The following PARD3B variants were observed in gnomAD, a reference collection of about 807,000 sequenced individuals.
The protein encoded by PARD3B is partitioning defective 3 homolog B.
In PARD3B, 103 loss-of-function variants were observed where a neutral mutation model predicts 130.2. The ratio of observed to expected loss-of-function variants is 0.79; its 90% CI spans 0.67 to 0.93. PARD3B has a LOEUF of 0.93. Among genes scored for constraint, PARD3B ranks in the 40% least tolerant of loss-of-function variants. The probability of loss-of-function intolerance (pLI) is 0.00; values close to 1 mark genes in which losing one functional copy is unlikely to be tolerated. For missense variants in PARD3B, 1,609 were observed against 1,499.2 expected, an observed-to-expected ratio of 1.07 and a Z score of -1.21; for synonymous variants, 583 against 553.2, an observed-to-expected ratio of 1.05 and a Z score of -0.76.
intron 1 of PARD3B, among the ~76,000 whole-genome samples, chr2:204,565,921 A>ATGTCAAAAACATGTGAAATCAAAGGT (rs2031646094): frequency 2.0e-5 from 3 of 152,216 alleles, no homozygotes; most frequent in Non-Finnish European, 2.9e-5. Context: ...CTTACACACA[A>ATGTCAAAAACATGTGAAATCAAAGGT]TGTCAAAAAC....
intron 2 of PARD3B, among the ~76,000 whole-genome samples, chr2:204,836,354 A>G (rs1260496127): frequency 6.6e-6 from 1 of 152,212 alleles, no homozygotes; most frequent in Admixed American, 6.5e-5. Context: ...AAATGATTAT[A>G]TGGATTTCTA....
At chr2:205,605,088 T>C (rs985313119) in intron 22 of PARD3B, among the ~76,000 whole-genome samples, 22 of 152,236 alleles carry the variant, frequency 1.4e-4, no homozygotes, top group African/African-American at 5.3e-4. Flanking sequence ...AAACTGGTTA[T>C]TCTGGTTAAC....
chr2:205,536,093 G>A (rs151116709), intron 21 of PARD3B, among the ~76,000 whole-genome samples: 93 of 152,218 alleles, frequency 6.1e-4, no homozygotes, highest in Middle Eastern at 3.4e-3. Context: ...TTGCAGTTTG[G>A]TTTTCCTGAG....
At chr2:205,144,753 C>G (rs990898999) in intron 10 of PARD3B, among the ~76,000 whole-genome samples, 3 of 152,098 alleles carry the variant, frequency 2.0e-5, no homozygotes, top group East Asian at 1.9e-4. Flanking sequence ...TTCTCAATCT[C>G]TACTTGGAAT....
chr2:205,178,143 T>TAAA lies in PARD3B; in HGVS notation c.1924+1599_1924+1601dup, dbSNP rs58267787. ...CAACATGGCAAAATCCCATCTGTAC[T>TAAA]AAAAAAAAAAAAAAAAAAAAAAAAA... On this transcript the variant is annotated intron_variant, in intron 13 of 22. Coordinates refer to ENST00000406610, the MANE Select transcript of PARD3B (RefSeq NM_001302769.2). Among the ~76,000 whole-genome samples the TAAA allele has an allele frequency of 9.9e-3, 206 of 20,784 alleles. 38 individuals are homozygous for TAAA. The highest frequency in any genetic ancestry group is 0.023 in the African/African-American group (113 of 4,968). 13.6% of individuals were successfully genotyped at this position (20,784 alleles called of 152,430 possible).
chr2:205,464,215 G>A (rs1026841659), intron 20 of PARD3B, among the ~76,000 whole-genome samples: 27 of 152,086 alleles, frequency 1.8e-4, no homozygotes, highest in African/African-American at 5.8e-4. Context: ...ACTGTGCATT[G>A]TGCATAGGAG....
At chr2:204,764,716 G>A (rs73982503) in intron 2 of PARD3B, among the ~76,000 whole-genome samples, 1 of 5,332 alleles carries the variant, frequency 1.9e-4, no homozygotes, top group Non-Finnish European at 9.5e-4. Flanking sequence ...GCATGCATGC[G>A]TGTGTGTGTG....
intron 1 of PARD3B, among the ~76,000 whole-genome samples, chr2:204,684,909 G>A (rs1225722194): frequency 6.6e-6 from 1 of 152,058 alleles, no homozygotes; most frequent in Non-Finnish European, 1.5e-5. Context: ...GCCTAACTAA[G>A]GAGAATTCCT....
At chr2:204,891,274 G>A (rs564783456) in intron 2 of PARD3B, among the ~76,000 whole-genome samples, 5 of 150,480 alleles carry the variant, frequency 3.3e-5, no homozygotes, top group East Asian at 2.0e-4. Context: ...TTAGCATTAC[G>A]ATACTGTGAC....
At chr2:205,480,192 A>G (rs922163085) in intron 20 of PARD3B, among the ~76,000 whole-genome samples, 16 of 152,178 alleles carry the variant, frequency 1.1e-4, no homozygotes, top group Non-Finnish European at 2.1e-4. Flanking sequence ...GGCATGAGCC[A>G]CTGTGCCCGG....
chr2:205,559,354 C>G (rs1051620829), intron 22 of PARD3B, among the ~76,000 whole-genome samples: 1 of 151,952 alleles, frequency 6.6e-6, no homozygotes, highest in African/African-American at 2.4e-5. Context: ...CCAAGTTGCC[C>G]AGGCTGGTCT....
Position 205,101,537 on chromosome 2 carries a change from G to A in PARD3B, c.505-2889G>A, listed in dbSNP as rs554774616. On this transcript the variant is annotated intron_variant, in intron 4 of 22. Coordinates refer to ENST00000406610, the MANE Select transcript of PARD3B (RefSeq NM_001302769.2). ...GCAACAATTCCACTCCACAGCGTAC[G>A]CCAGAGAACAGAAAGCATATGTTCA... 9.2e-5 allele frequency among the ~76,000 whole-genome samples: 14 copies of A among 152,170 alleles called. No homozygotes were observed. The South Asian group carries it at 2.3e-3, about 25-fold the overall frequency.
intron 21 of PARD3B, among the ~76,000 whole-genome samples, chr2:205,517,095 T>A (rs562120056): frequency 6.6e-6 from 1 of 152,142 alleles, no homozygotes; most frequent in South Asian, 2.1e-4. Context: ...CGAATCAACC[T>A]TGCATCTCAA....
At chr2:204,695,659 T>C (rs2037576640) in intron 2 of PARD3B, among the ~76,000 whole-genome samples, 1 of 151,894 alleles carries the variant, frequency 6.6e-6, no homozygotes, top group Non-Finnish European at 1.5e-5. Flanking sequence ...CACACAAATA[T>C]ATCACTTTTA....
At chr2:205,267,078 G>A (rs1276178018) in intron 16 of PARD3B, among the ~76,000 whole-genome samples, 2 of 152,124 alleles carry the variant, frequency 1.3e-5, no homozygotes, top group African/African-American at 4.8e-5. Flanking sequence ...ACTCAAGCTA[G>A]TCTAGCTCAT....
Position 205,169,535 on chromosome 2 carries a change from A to G in PARD3B, c.1621-2676A>G, listed in dbSNP as rs976973010. On this transcript the variant is annotated intron_variant, in intron 11 of 22. Transcript: ENST00000406610. ...TGACGTTGTCTCATACTTCACAGAA[A>G]AGGTTCACAAGAGATTACCAGGTGG... Among the ~76,000 whole-genome samples, 5 of 152,232 alleles carry G rather than the reference A, an allele frequency of 3.3e-5. No individual in the cohort carries two copies. In the East Asian group the frequency reaches 9.6e-4, roughly 29 times the overall value.
chr2:205,217,051 G>C (rs933129940), intron 15 of PARD3B, among the ~76,000 whole-genome samples: 1 of 152,052 alleles, frequency 6.6e-6, no homozygotes. Context: ...GAAGGCAAAA[G>C]GGTACGCCAA....
Position 205,535,161 on chromosome 2 carries a change from C to T in PARD3B, c.3181-18163C>T, listed in dbSNP as rs2051789693. 2.0e-5 allele frequency among the ~76,000 whole-genome samples: 3 copies of T among 152,136 alleles called. No individual in the cohort carries two copies. The South Asian group carries it at 6.2e-4, about 32-fold the overall frequency. On this transcript the variant is annotated intron_variant, in intron 21 of 22. Coordinates refer to ENST00000406610, the MANE Select transcript of PARD3B (RefSeq NM_001302769.2). ...CACCAGAGGATACCATGGCTTATTCCCACCTGCGAACTCTGCATGAATGGA... is the reference window on the plus strand; with the variant it reads ...CACCAGAGGATACCATGGCTTATTCTCACCTGCGAACTCTGCATGAATGGA...
At chr2:205,282,507 G>GTA (rs34964209) in intron 16 of PARD3B, among the ~76,000 whole-genome samples, 89,815 of 143,652 alleles carry the variant, frequency 0.63, 30,638 homozygotes, top group Admixed American at 0.74. Flanking sequence ...ATATTTATGT[G>GTA]TATATATATA....
Sources: allele counts gnomAD v4.1 joint callset (sites outside exome capture counted in the v4.1 genomes callset), GRCh38; gene constraint gnomAD v4.1.1; transcripts MANE v1.5; gene names NCBI Gene and HGNC (gene_info 2026-07-23, HGNC 2026-07-21).